PRSS38: variants seen among roughly 807,000 people sequenced by gnomAD.
The protein encoded by PRSS38 is marapsin 2.
A neutral mutation model predicts 26.8 loss-of-function variants in PRSS38; 22 were observed. The observed-to-expected ratio is 0.82, with a 90% CI of 0.59 to 1.17. The LOEUF (loss-of-function observed/expected upper bound fraction) is 1.17. Among genes scored for constraint, PRSS38 ranks in the 50% most tolerant of loss-of-function variants. The probability of loss-of-function intolerance (pLI) is 0.00; values close to 1 mark genes in which losing one functional copy is unlikely to be tolerated. For synonymous variants in PRSS38, 175 were observed against 172.1 expected (o/e 1.02, Z -0.13); for missense variants, 427 against 422.7 (o/e 1.01, Z -0.09).
chr1:227,827,239 T>A (rs979957272), intron 3 of PRSS38, among the ~76,000 whole-genome samples: 3 of 152,208 alleles, frequency 2.0e-5, no homozygotes, highest in Admixed American at 6.5e-5. Flanking sequence ...TTTTTTGTAA[T>A]GGTTTCAGTA....
intron 3 of PRSS38, among the ~76,000 whole-genome samples, chr1:227,840,154 G>C (rs1366634464): frequency 2.0e-5 from 3 of 152,032 alleles, no homozygotes; most frequent in African/African-American, 7.2e-5. Flanking sequence ...TATATTTTGA[G>C]ACACAGTCTT....
chr1:227,824,431 T>C (rs561276119), intron 3 of PRSS38, among the ~76,000 whole-genome samples: 10 of 152,344 alleles, frequency 6.6e-5, no homozygotes, highest in East Asian at 1.9e-4. Flanking sequence ...TAGTATTCCA[T>C]GGTATACATG....
chr1:227,818,589 G>T (rs1429852474), intron 3 of PRSS38, among the ~76,000 whole-genome samples: 1 of 139,802 alleles, frequency 7.2e-6, no homozygotes, highest in African/African-American at 2.7e-5. Context: ...AACGTGGAAA[G>T]ATCTCTTGAT....
intron 3 of PRSS38, among the ~76,000 whole-genome samples, chr1:227,829,310 C>T (rs10916224): frequency 0.41 from 62,545 of 151,886 alleles, 14,967 homozygotes; most frequent in Middle Eastern, 0.56. Flanking sequence ...TGTTTTTTGA[C>T]TTTTTAATAA....
chr1:227,844,011 A>G (rs1454754118), intron 3 of PRSS38, among the ~76,000 whole-genome samples: 1 of 152,198 alleles, frequency 6.6e-6, no homozygotes, highest in African/African-American at 2.4e-5. Context: ...CAACAACAAC[A>G]AAACAAACAA....
intron 3 of PRSS38, among the ~76,000 whole-genome samples, chr1:227,844,891 ATGTACGGTCAGGGCTCCTCCCT>A (rs1665397181): frequency 7.8e-6 from 1 of 128,108 alleles, no homozygotes; most frequent in African/African-American, 3.1e-5. Flanking sequence ...GCTCCTCCCT[ATGTACGGTCAGGGCTCCTCCCT>A]ATGTGTGGTG....
At chr1:227,845,905 G>A (rs751306354) in intron 4 of PRSS38, 49 bp from the exon 5 acceptor site, 8 of 1,602,530 alleles carry the variant, frequency 5.0e-6, no homozygotes, top group Admixed American at 1.7e-5. Context: ...TGCAGGAGGC[G>A]GCAGGCCTGG....
chr1:227,822,416 G>A (rs1444552125), intron 3 of PRSS38, among the ~76,000 whole-genome samples: 1 of 151,996 alleles, frequency 6.6e-6, no homozygotes, highest in Non-Finnish European at 1.5e-5. Context: ...ATTGAAAACA[G>A]GAGTGTTGAG....
chr1:227,815,894 G>T (rs1302688770), intron 1 of PRSS38, 30 bp downstream of exon 1: 2 of 1,576,048 alleles, frequency 1.3e-6, no homozygotes, highest in African/African-American at 2.7e-5. Context: ...CGGATGGGCG[G>T]CTGGAGACAG....
intron 3 of PRSS38, among the ~76,000 whole-genome samples, chr1:227,829,720 C>T (rs1665124897): frequency 6.6e-6 from 1 of 152,152 alleles, no homozygotes; most frequent in Non-Finnish European, 1.5e-5. Flanking sequence ...TTGTAATTCA[C>T]TGTGAGTTTT....
At chr1:227,832,729 C>A (rs974585881) in intron 3 of PRSS38, among the ~76,000 whole-genome samples, 2 of 152,266 alleles carry the variant, frequency 1.3e-5, no homozygotes, top group African/African-American at 4.8e-5. Flanking sequence ...TCTCTACTTG[C>A]AGATGACATG....
At chr1:227,845,575 G>A (rs1361177308) in exon 4 of PRSS38, 1 of 1,613,844 alleles carries the variant, frequency 6.2e-7, no homozygotes, top group Admixed American at 1.7e-5. Flanking sequence ...GACATGCTGT[G>A]TGCTGGGGAC....
intron 3 of PRSS38, among the ~76,000 whole-genome samples, chr1:227,844,088 TC>T (rs745628097): frequency 6.6e-6 from 1 of 152,368 alleles, no homozygotes; most frequent in Admixed American, 6.5e-5. Flanking sequence ...CATGGAACAC[TC>T]TTTTACTCTG....
Position 227,817,133 on chromosome 1 carries a change from C to A in PRSS38, c.312-76C>A, listed in dbSNP as rs138379692. On this transcript the variant is annotated intron_variant, in intron 2 of 4. Coordinates refer to ENST00000366757, the Ensembl canonical transcript of PRSS38. ...CCACCGAGTGAGTGCCAGCCCCTTG[C>A]GCTTGGCCTCCCCAGGCCTGTGGGC... The A allele has an allele frequency of 4.8e-4, 706 of 1,484,404 alleles. 1 individual carries two copies. The highest frequency in any genetic ancestry group is 6.1e-4 in the Non-Finnish European group (659 of 1,084,698). The allele number at this position is 1,484,404 out of a possible 1,614,324, so 92.0% of individuals were successfully genotyped here. A position where few individuals can be genotyped will look rare whatever the true frequency, so the allele number is the denominator to read the frequency against.
exon 5 of PRSS38, chr1:227,846,156 G>A (rs1346030584): frequency 6.2e-7 from 1 of 1,613,522 alleles, no homozygotes; most frequent in Non-Finnish European, 8.5e-7. Flanking sequence ...CCAGCTCTGG[G>A]GCCCACTCTC....
chr1:227,823,377 A>T (rs902271887), intron 3 of PRSS38, among the ~76,000 whole-genome samples: 1 of 151,600 alleles, frequency 6.6e-6, no homozygotes, highest in African/African-American at 2.4e-5. Flanking sequence ...TCTTTATCCA[A>T]TCATTTGTTG....
chr1:227,838,593 C>T (rs759466881), intron 3 of PRSS38, among the ~76,000 whole-genome samples: 14 of 152,188 alleles, frequency 9.2e-5, no homozygotes, highest in African/African-American at 1.4e-4. Context: ...CTTCTGCATT[C>T]GTCTCCTTGG....
At chr1:227,842,427 C>G (rs1665351195) in intron 3 of PRSS38, among the ~76,000 whole-genome samples, 1 of 152,074 alleles carries the variant, frequency 6.6e-6, no homozygotes, top group Non-Finnish European at 1.5e-5. Flanking sequence ...AAAATTTACT[C>G]TACATTTGTT....
intron 3 of PRSS38, among the ~76,000 whole-genome samples, chr1:227,842,748 G>T (rs1558238175): frequency 6.6e-6 from 1 of 151,960 alleles, no homozygotes; most frequent in East Asian, 1.9e-4. Flanking sequence ...ACCTAATTTT[G>T]TATTCTTAGT....
Sources: gnomAD v4.1 joint callset for allele counts (sites outside exome capture counted in the v4.1 genomes callset) on GRCh38, gnomAD v4.1.1 for gene constraint, MANE v1.5 for transcripts, NCBI Gene and HGNC (gene_info 2026-07-23, HGNC 2026-07-21) for gene names.